HIBADH: variants seen among roughly 807,000 people sequenced by gnomAD.
HIBADH encodes the protein 3-hydroxyisobutyrate dehydrogenase, mitochondrial.
Under a neutral mutation model 36.1 loss-of-function variants are expected in HIBADH, and 25 were observed. That is an observed-to-expected ratio of 0.69 (90% CI 0.50 to 0.97). The LOEUF (loss-of-function observed/expected upper bound fraction) is 0.97, where lower values mean the gene tolerates loss of function less well. Ranked by LOEUF, HIBADH falls within the 50% of genes least tolerant of loss-of-function variation. The pLI is 0.00. For synonymous variants in HIBADH, 160 were observed against 149.5 expected, an observed-to-expected ratio of 1.07 and a Z score of -0.51; for missense variants, 421 against 418.0, an observed-to-expected ratio of 1.01 and a Z score of -0.06.
intron 1 of HIBADH, among the ~76,000 whole-genome samples, chr7:27,650,799 T>C (rs989446050): frequency 2.6e-5 from 4 of 151,850 alleles, no homozygotes; most frequent in African/African-American, 9.7e-5. Context: ...AATTACTCCG[T>C]GGGCATATGA....
intron 4 of HIBADH, among the ~76,000 whole-genome samples, chr7:27,577,164 C>CTTTTTTTTTTTTTTTTTTTTTTTT (rs35467427): frequency 6.9e-6 from 1 of 143,888 alleles, no homozygotes; most frequent in African/African-American, 2.6e-5. Flanking sequence ...CATCATTTCT[C>CTTTTTTTTTTTTTTTTTTTTTTTT]TCTTTTTTTT....
At chr7:27,642,714 G>C (rs1024775731) in intron 2 of HIBADH, among the ~76,000 whole-genome samples, 5 of 146,152 alleles carry the variant, frequency 3.4e-5, no homozygotes, top group East Asian at 2.1e-4. Context: ...TGCAGTGGCG[G>C]GATCTCGGCT....
intron 4 of HIBADH, among the ~76,000 whole-genome samples, chr7:27,595,188 A>G (rs374572528): frequency 1.3e-5 from 2 of 151,892 alleles, no homozygotes; most frequent in Non-Finnish European, 2.9e-5. Context: ...TATTTGCAAC[A>G]TTTTTATCTC....
intron 3 of HIBADH, 31 bp from the exon 4 acceptor site, chr7:27,629,523 T>C: frequency 6.8e-7 from 1 of 1,466,806 alleles, no homozygotes; most frequent in Non-Finnish European, 9.2e-7. Flanking sequence ...ATTTGTAGTT[T>C]ACAACTCTGA....
At chr7:27,612,211 C>T (rs1562643157) in intron 4 of HIBADH, among the ~76,000 whole-genome samples, 1 of 151,996 alleles carries the variant, frequency 6.6e-6, no homozygotes, top group East Asian at 1.9e-4. Flanking sequence ...TAATCAGAAA[C>T]AAGTAGATAA....
At chr7:27,594,682 G>GAA (rs541203130) in intron 4 of HIBADH, among the ~76,000 whole-genome samples, 206 of 152,094 alleles carry the variant, frequency 1.4e-3, no homozygotes, top group African/African-American at 4.7e-3. Context: ...TCTGAGCGAG[G>GAA]GAAAAAGAGC....
chr7:27,552,836 C>T (rs977860110), intron 4 of HIBADH, among the ~76,000 whole-genome samples: 9 of 152,174 alleles, frequency 5.9e-5, no homozygotes, highest in African/African-American at 1.4e-4. Flanking sequence ...TTCAGTATTG[C>T]ATTTTAATGA....
intron 4 of HIBADH, among the ~76,000 whole-genome samples, chr7:27,571,690 T>G (rs1784631373): frequency 6.6e-6 from 1 of 152,114 alleles, no homozygotes; most frequent in Non-Finnish European, 1.5e-5. Context: ...GAGCTTACAT[T>G]TATTGTACTT....
intron 4 of HIBADH, among the ~76,000 whole-genome samples, chr7:27,581,580 A>T (rs1784789650): frequency 1.3e-5 from 2 of 152,188 alleles, no homozygotes; most frequent in Non-Finnish European, 2.9e-5. Context: ...TTTAATTGAT[A>T]AAAATTTTAT....
At chr7:27,642,641 A>G (rs73684017) in intron 2 of HIBADH, among the ~76,000 whole-genome samples, 1,741 of 123,286 alleles carry the variant, frequency 0.014, 28 homozygotes, top group African/African-American at 0.044. Flanking sequence ...CTAAATGTCT[A>G]GTTTTTTTTT....
At chr7:27,613,432 A>G (rs1038269120) in intron 4 of HIBADH, among the ~76,000 whole-genome samples, 1 of 151,042 alleles carries the variant, frequency 6.6e-6, no homozygotes, top group African/African-American at 2.4e-5. Context: ...AATTATATGA[A>G]CTAATTCCCT....
intron 4 of HIBADH, among the ~76,000 whole-genome samples, chr7:27,553,031 T>G (rs1784340028): frequency 6.6e-6 from 1 of 152,174 alleles, no homozygotes; most frequent in Admixed American, 6.5e-5. Flanking sequence ...GTGAAACATC[T>G]TAATAAAGCT....
chr7:27,653,405 G>A (rs1472180816), intron 1 of HIBADH, among the ~76,000 whole-genome samples: 1 of 152,138 alleles, frequency 6.6e-6, no homozygotes, highest in African/African-American at 2.4e-5. Flanking sequence ...ACTATGAACT[G>A]TCAATGAGCT....
At chr7:27,656,335 CTA>C (rs1468296054) in intron 1 of HIBADH, among the ~76,000 whole-genome samples, 1 of 152,108 alleles carries the variant, frequency 6.6e-6, no homozygotes, top group Admixed American at 6.5e-5. Flanking sequence ...CTGCAAATAA[CTA>C]TGTATTAATA....
intron 4 of HIBADH, among the ~76,000 whole-genome samples, chr7:27,590,652 C>T (rs1425255883): frequency 6.6e-6 from 1 of 152,218 alleles, no homozygotes; most frequent in Non-Finnish European, 1.5e-5. Context: ...AGCTCTACAT[C>T]TATCTACATA....
intron 5 of HIBADH, among the ~76,000 whole-genome samples, chr7:27,540,400 C>G (rs1389508298): frequency 2.0e-5 from 3 of 152,162 alleles, no homozygotes; most frequent in Non-Finnish European, 4.4e-5. Context: ...TTGAATTAAT[C>G]CAAGATCCAT....
intron 4 of HIBADH, among the ~76,000 whole-genome samples, chr7:27,548,374 G>T (rs1246490501): frequency 6.6e-6 from 1 of 151,982 alleles, no homozygotes; most frequent in African/African-American, 2.4e-5. Flanking sequence ...TTGAAATCTT[G>T]TGCTTGTGAT....
intron 2 of HIBADH, among the ~76,000 whole-genome samples, chr7:27,647,521 T>C (rs1427026826): frequency 2.0e-5 from 3 of 152,322 alleles, no homozygotes; most frequent in Middle Eastern, 6.8e-3. Context: ...TAAAATGAGA[T>C]AATACATACA....
intron 4 of HIBADH, among the ~76,000 whole-genome samples, chr7:27,613,193 A>ATATATT (rs1201343468): frequency 3.6e-4 from 18 of 49,354 alleles, no homozygotes; most frequent in Non-Finnish European, 1.1e-4. Flanking sequence ...ATATAAATAT[A>ATATATT]TATATTTATA....
Sources: allele counts gnomAD v4.1 joint callset (sites outside exome capture counted in the v4.1 genomes callset), GRCh38; gene constraint gnomAD v4.1.1; transcripts MANE v1.5; gene names NCBI Gene and HGNC (gene_info 2026-07-23, HGNC 2026-07-21).